BTD: variants seen among roughly 807,000 people sequenced by gnomAD.
BTD encodes biocytinase.
A neutral mutation model predicts 17.7 loss-of-function variants in BTD; 13 were observed. That is an observed-to-expected ratio of 0.74 (90% CI 0.48 to 1.17). The LOEUF is 1.17. Ranked by LOEUF, BTD falls within the 50% of genes most tolerant of loss-of-function variation. The pLI, the probability that BTD is intolerant of heterozygous loss-of-function variation, is 0.00. For missense variants in BTD, 674 were observed against 650.4 expected (o/e 1.04, Z -0.39); for synonymous variants, 240 against 245.2 (o/e 0.98, Z 0.20).
chr3:15,694,396 C>T (rs1015563257), intron 3 of BTD, among the ~76,000 whole-genome samples: 6 of 152,106 alleles, frequency 3.9e-5, no homozygotes, highest in Non-Finnish European at 7.4e-5. Context: ...GCTTAGCCAA[C>T]TTATAAGGCA....
intron 3 of BTD, chr3:15,708,161 TTTA>T: frequency 7.3e-7 from 1 of 1,362,646 alleles, no homozygotes; most frequent in Non-Finnish European, 1.0e-6. Flanking sequence ...TTACAAATAC[TTTA>T]TTTACAGTGA....
chr3:15,681,773 G>A (rs1261898645), intron 3 of BTD, among the ~76,000 whole-genome samples: 1 of 152,108 alleles, frequency 6.6e-6, no homozygotes, highest in Non-Finnish European at 1.5e-5. Flanking sequence ...GATATTGTAT[G>A]TGGCAATGCC....
intron 3 of BTD, among the ~76,000 whole-genome samples, chr3:15,643,745 A>G (rs1350526628): frequency 3.3e-5 from 5 of 152,014 alleles, no homozygotes; most frequent in South Asian, 4.1e-4. Context: ...ATGGATAAAT[A>G]TAAGTACTTT....
Position 15,645,579 on chromosome 3 carries a change from C to T in BTD, c.*91C>T. 1 of 1,487,408 alleles carries T rather than the reference C, an allele frequency of 6.7e-7. No individual in the cohort carries two copies. The allele number at this position is 1,487,408 out of a possible 1,614,324, so 92.1% of individuals were successfully genotyped here. ...TACAAGCCCTGGGACCATCTTTCTGCCTTAAGGGCAGGAGCCCACTTCTGT... is the reference window on the plus strand; with the variant it reads ...TACAAGCCCTGGGACCATCTTTCTGTCTTAAGGGCAGGAGCCCACTTCTGT... On this transcript the variant is annotated 3_prime_UTR_variant, in exon 4 of 4. Coordinates refer to ENST00000643237, the MANE Select transcript of BTD (RefSeq NM_001370658.1).
chr3:15,716,197 G>A (rs2073007713), downstream of BTD, among the ~76,000 whole-genome samples: 1 of 150,464 alleles, frequency 6.6e-6, no homozygotes, highest in South Asian at 2.1e-4. Context: ...GGCCAGGCTT[G>A]TCTTGAACTC....
intron 4 of BTD, chr3:15,721,185 T>C: frequency 6.8e-7 from 1 of 1,479,152 alleles, no homozygotes; most frequent in South Asian, 1.2e-5. Flanking sequence ...ATCAATGTTG[T>C]GAGCTATTTT....
intron 3 of BTD, among the ~76,000 whole-genome samples, chr3:15,701,605 T>C (rs995150229): frequency 6.6e-5 from 10 of 151,336 alleles, no homozygotes; most frequent in African/African-American, 1.2e-4. Flanking sequence ...GATTGCACCA[T>C]TGCACTCCAG....
chr3:15,713,115 G>A (rs1005067332), downstream of BTD, among the ~76,000 whole-genome samples: 2 of 151,978 alleles, frequency 1.3e-5, no homozygotes, highest in African/African-American at 2.4e-5. Flanking sequence ...GAACTCCTTC[G>A]TAGGATTCCA....
rs554402749 is a variant in BTD, at chr3:15,603,872, C to T, written c.-17+1978C>T. Among the ~76,000 whole-genome samples the T allele has an allele frequency of 9.8e-5, 15 of 152,302 alleles. No homozygotes were observed. In the East Asian group the frequency reaches 1.5e-3, roughly 16 times the overall value. ...AATGATCTTTGGATCATTTTGACTT[C>T]GTATCTCACAGCCAGATCATGCTGA... On this transcript the variant is annotated intron_variant, in intron 1 of 3. Coordinates refer to ENST00000643237, the MANE Select transcript of BTD (RefSeq NM_001370658.1).
chr3:15,686,303 T>C (rs1353363162), intron 3 of BTD: 5 of 1,576,866 alleles, frequency 3.2e-6, no homozygotes, highest in South Asian at 1.2e-5. Context: ...TGAATGACCA[T>C]TTGTTGCTGT....
intron 3 of BTD, among the ~76,000 whole-genome samples, chr3:15,671,589 GTT>G (rs1266007505): frequency 1.5e-5 from 2 of 133,916 alleles, no homozygotes; most frequent in Non-Finnish European, 1.6e-5. Flanking sequence ...TTTTTTTTTT[GTT>G]TTTTTTTTTT....
chr3:15,720,637 T>C (rs146895718), intron 4 of BTD, among the ~76,000 whole-genome samples: 340 of 152,278 alleles, frequency 2.2e-3, no homozygotes, highest in African/African-American at 7.9e-3. Flanking sequence ...CCTTTCCCAG[T>C]TGATCCCTCC....
intron 3 of BTD, 109 bp from the exon 4 acceptor site, chr3:15,644,207 A>C: frequency 8.8e-7 from 1 of 1,138,304 alleles, no homozygotes; most frequent in Non-Finnish European, 1.3e-6. Flanking sequence ...TCACCGTGTT[A>C]GCCAGGGTGG....
intron 3 of BTD, among the ~76,000 whole-genome samples, chr3:15,672,701 C>CG (rs2066497770): frequency 6.6e-6 from 1 of 152,086 alleles, no homozygotes; most frequent in Admixed American, 6.5e-5. Context: ...TGGATGAGAG[C>CG]GGGAGTGGGG....
rs886302406 is a variant in BTD, at chr3:15,649,169, G to A, written c.*3681G>A. ...AATGGCCCATTCACACAGCTGGCAC[G>A]TTGGTGCTGGCTGCTAGCAAAAGGT... is the stretch of plus-strand genomic sequence containing the variant. On this transcript the variant is annotated 3_prime_UTR_variant, in exon 4 of 4. Coordinates refer to ENST00000643237, the MANE Select transcript of BTD (RefSeq NM_001370658.1). Among the ~76,000 whole-genome samples the A allele has an allele frequency of 2.6e-5, 4 of 152,226 alleles. No individual in the cohort carries two copies. Among genetic ancestry groups the A allele is most frequent in the Non-Finnish European group, 5.9e-5 (4 of 68,040 alleles).
intron 3 of BTD, among the ~76,000 whole-genome samples, chr3:15,663,479 G>A (rs2065946534): frequency 6.6e-6 from 1 of 152,138 alleles, no homozygotes; most frequent in Non-Finnish European, 1.5e-5. Context: ...TGTTTTGGAA[G>A]GTTATTATTG....
chr3:15,698,467 A>C (rs903643948), intron 3 of BTD, among the ~76,000 whole-genome samples: 5 of 152,238 alleles, frequency 3.3e-5, no homozygotes, highest in African/African-American at 1.2e-4. Flanking sequence ...TTTGCAGATG[A>C]CATGAATGTA....
rs1421954777 is a variant in BTD, at chr3:15,649,156, A to C, written c.*3668A>C. Among the ~76,000 whole-genome samples, 1 of 152,228 alleles carries C rather than the reference A, an allele frequency of 6.6e-6. No individual in the cohort carries two copies. Among genetic ancestry groups the C allele is most frequent in the Non-Finnish European group, 1.5e-5 (1 of 68,046 alleles). On this transcript the variant is annotated 3_prime_UTR_variant, in exon 4 of 4. Coordinates refer to ENST00000643237, the MANE Select transcript of BTD (RefSeq NM_001370658.1). ...GGATCACTTGCAAAATGGCCCATTC[A>C]CACAGCTGGCACGTTGGTGCTGGCT...
rs562487769 is a variant in BTD at position 15,638,092 on chromosome 3, A to G, written c.249+2404A>G. Among the ~76,000 whole-genome samples, 269 of 152,348 alleles carry G rather than the reference A, an allele frequency of 1.8e-3. 4 individuals are homozygous for G. In the South Asian group the frequency reaches 0.053, roughly 30 times the overall value. On this transcript the variant is annotated intron_variant, in intron 2 of 3. Transcript: ENST00000643237. Reference sequence around the variant, plus strand: ...TGTTGCTGGGGCCTATTGTTCTCACATAACAGTAGAAAACCAAAATTTGTT... The same window carrying G: ...TGTTGCTGGGGCCTATTGTTCTCACGTAACAGTAGAAAACCAAAATTTGTT...
Sources: allele counts gnomAD v4.1 joint callset (sites outside exome capture counted in the v4.1 genomes callset), GRCh38; gene constraint gnomAD v4.1.1; transcripts MANE v1.5; gene names NCBI Gene and HGNC (gene_info 2026-07-23, HGNC 2026-07-21).